The following MXRA8 variants were observed in gnomAD, a reference collection of about 807,000 sequenced individuals.
MXRA8 encodes the protein matrix remodeling associated 8.
Under a neutral mutation model 51.4 loss-of-function variants are expected in MXRA8, and 44 were observed. The ratio of observed to expected loss-of-function variants is 0.86; its 90% confidence interval spans 0.67 to 1.10. The LOEUF (loss-of-function observed/expected upper bound fraction) is 1.10. Among genes scored for constraint, MXRA8 ranks in the 50% least tolerant of loss-of-function variants. The pLI is 0.00. For missense variants in MXRA8, 765 were observed against 638.9 expected (o/e 1.20, Z -2.13); for synonymous variants, 369 against 293.5 (o/e 1.26, Z -2.63).
chr1:1,354,150 A>AG (rs1644066661), intron 7 of MXRA8, 43 bp downstream of exon 7: 1 of 1,612,642 alleles, frequency 6.2e-7, no homozygotes, highest in Non-Finnish European at 8.5e-7. Context: ...GGTGGGGTGA[A>AG]GGGGGCCCTG....
intron 2 of MXRA8, among the ~76,000 whole-genome samples, chr1:1,356,328 G>A (rs114444027): frequency 0.051 from 6,659 of 129,494 alleles, 824 homozygotes; most frequent in African/African-American, 0.21. Context: ...GGTGGGCCCC[G>A]AGGGCCCTGG....
Position 1,354,791 on chromosome 1 carries a change from G to T in MXRA8, c.840C>A (p.Gly280=), listed in dbSNP as rs138606719. The change falls in exon 5 of 10, where the codon GGC becomes GGA. Residue 280 remains glycine, a synonymous_variant. Coordinates refer to ENST00000309212, the MANE Select transcript of MXRA8 (RefSeq NM_032348.4). ...YSCHLHHHYC[G]LHERRVFHLT... is the part of the protein sequence containing the mutation. ...GGTGGAAGACGCGGCGTTCGTGCAG[G>T]CCACAGTAATGGTGGTGCAGGTGGC... is the stretch of plus-strand genomic sequence containing the variant. 9.5e-4 allele frequency: 1,533 copies of T among 1,612,120 alleles called. 5 individuals carry two copies. The highest frequency in any genetic ancestry group is 1.2e-3 in the Non-Finnish European group (1,445 of 1,179,684).
chr1:1,359,090 G>A (rs141483437), upstream of MXRA8: 3 of 985,452 alleles, frequency 3.0e-6, no homozygotes, highest in East Asian at 1.1e-4. Flanking sequence ...TGGGGGCCAC[G>A]GTGGGCTCCC....
At chr1:1,353,705 C>T in intron 9 of MXRA8, 76 bp from the exon 10 acceptor site, 2 of 1,496,862 alleles carry the variant, frequency 1.3e-6, no homozygotes, top group Non-Finnish European at 1.8e-6. Context: ...GGCAGACCCC[C>T]CCGCAGGACT....
chr1:1,357,299 A>C (rs1470003739), intron 1 of MXRA8, among the ~76,000 whole-genome samples: 1 of 152,098 alleles, frequency 6.6e-6, no homozygotes, highest in Non-Finnish European at 1.5e-5. Context: ...CTCTGACCGG[A>C]AGCGGGGCTG....
chr1:1,353,821 T>C, intron 9 of MXRA8, 27 bp downstream of exon 9: 8 of 1,550,068 alleles, frequency 5.2e-6, no homozygotes, highest in Non-Finnish European at 7.0e-6. Flanking sequence ...GGCTCTGAGA[T>C]GGGCTGAGGT....
At chr1:1,359,632 G>C, upstream of MXRA8, 1 of 957,722 alleles carries the variant, frequency 1.0e-6, no homozygotes, top group Non-Finnish European at 1.2e-6. Context: ...TCAGAGTGGT[G>C]GTCTCAGGGC....
Position 1,354,339 on chromosome 1 carries a change from CCG to C in MXRA8, c.1105+13_1105+14del. 3.7e-6 allele frequency: 6 copies of C among 1,605,988 alleles called. No homozygotes were observed. Among genetic ancestry groups the C allele is most frequent in the Non-Finnish European group, 4.2e-6 (5 of 1,176,780 alleles). On this transcript the variant is annotated intron_variant, in intron 6 of 9. Coordinates refer to ENST00000309212, the MANE Select transcript of MXRA8 (RefSeq NM_032348.4). Reference sequence around the variant, plus strand: ...CAGTCTCCTGGGGCCGCTGGCTTTGCCGGGGCAGCCTCACCTCCGCGGCGCCT... The same window carrying C: ...CAGTCTCCTGGGGCCGCTGGCTTTGCGGGCAGCCTCACCTCCGCGGCGCCT...
chr1:1,354,146 G>T, intron 7 of MXRA8, 40 bp from the exon 8 acceptor site: 1 of 1,612,762 alleles, frequency 6.2e-7, no homozygotes, highest in African/African-American at 1.3e-5. Context: ...GCTGGGTGGG[G>T]TGAAGGGGGC....
chr1:1,356,864 T>C (rs1432490406), intron 1 of MXRA8, among the ~76,000 whole-genome samples, 160 bp from the exon 2 acceptor site: 3 of 151,180 alleles, frequency 2.0e-5, no homozygotes, highest in African/African-American at 4.9e-5. Context: ...TACATAGCCC[T>C]CCCTGCCACC....
At chr1:1,353,666 C>G (rs1163202873) in intron 9 of MXRA8, 37 bp from the exon 10 acceptor site, 2 of 1,547,670 alleles carry the variant, frequency 1.3e-6, no homozygotes, top group South Asian at 2.4e-5. Flanking sequence ...GGCGGCTGTC[C>G]TCCACCCTCA....
At position 1,354,200 on chromosome 1, in the gene MXRA8, ACTTTCCCGAC is replaced by A; in HGVS notation, c.1128_1137del (p.Lys376AsnfsTer29). 1 of 1,612,584 alleles carries A rather than the reference ACTTTCCCGAC, an allele frequency of 6.2e-7. No homozygotes were observed. On this transcript the variant is annotated frameshift_variant, in exon 7 of 10. Transcript: ENST00000309212. LOFTEE classifies it high-confidence loss of function. ...CGGGAGGGGGGCACTCACCCCTTTG[ACTTTCCCGAC>A]TTCTGGTCCGAGTATTCGTAGCCTG...
At chr1:1,357,732 C>T (rs1219725667) in intron 1 of MXRA8, among the ~76,000 whole-genome samples, 1 of 152,184 alleles carries the variant, frequency 6.6e-6, no homozygotes, top group Non-Finnish European at 1.5e-5. Flanking sequence ...ATGACTTGAA[C>T]CCGGGAGGTG....
At chr1:1,355,428 C>T (rs1230033624) in intron 3 of MXRA8, 22 bp downstream of exon 3, 1 of 1,480,068 alleles carries the variant, frequency 6.8e-7, no homozygotes, top group East Asian at 2.8e-5. Flanking sequence ...GACCCCGCGG[C>T]CCCGGTCCCC....
chr1:1,362,122 C>T (rs148802715), upstream of MXRA8, among the ~76,000 whole-genome samples: 860 of 152,278 alleles, frequency 5.6e-3, 3 homozygotes, highest in Middle Eastern at 0.017. Context: ...GGCCTGCATT[C>T]GTGTTGGTCC....
At chr1:1,356,431 C>T (rs1426802195) in intron 2 of MXRA8, among the ~76,000 whole-genome samples, 7 of 129,448 alleles carry the variant, frequency 5.4e-5, no homozygotes, top group South Asian at 2.6e-4. Context: ...GAGGGGTGGG[C>T]CCCCGAGGGC....
rs547100598 is a variant in MXRA8 at position 1,355,305 on chromosome 1, C to A, written c.417G>T (p.Leu139=). Residue 139 remains leucine, a synonymous_variant, in exon 4 of 10, where the codon CTG becomes CTT. Coordinates refer to ENST00000309212, the MANE Select transcript of MXRA8 (RefSeq NM_032348.4). The part of the protein sequence containing the change: ...ETDAGLYTCN[L]HHHYCHLYES... ...CGTAGAGGTGGCAGTAGTGATGGTG[C>A]AGGTTGCAGGTGTACAGCCCCGCGT... is the stretch of plus-strand genomic sequence containing the variant. 8.2e-6 allele frequency: 13 copies of A among 1,580,076 alleles called. No individual in the cohort carries two copies. Among genetic ancestry groups the A allele is most frequent in the Non-Finnish European group, 1.1e-5 (13 of 1,166,572 alleles).
At chr1:1,353,996 G>C in intron 8 of MXRA8, 34 bp downstream of exon 8, 1 of 1,610,800 alleles carries the variant, frequency 6.2e-7, no homozygotes, top group Non-Finnish European at 8.5e-7. Flanking sequence ...ACTGGGAGCC[G>C]CGCCTGTGCC....
chr1:1,356,795 C>A (rs1569801078), intron 1 of MXRA8, 91 bp from the exon 2 acceptor site: 1 of 1,166,212 alleles, frequency 8.6e-7, no homozygotes, highest in Non-Finnish European at 1.1e-6. Flanking sequence ...CTCCTGTAGT[C>A]CCAAAGTGGA....
Sources: allele counts gnomAD v4.1 joint callset (sites outside exome capture counted in the v4.1 genomes callset), GRCh38; gene constraint gnomAD v4.1.1; transcripts MANE v1.5; gene names NCBI Gene and HGNC (gene_info 2026-07-23, HGNC 2026-07-21).